The following PCGF5 variants were observed in gnomAD, a reference collection of about 807,000 sequenced individuals.
The protein encoded by PCGF5 is polycomb group ring finger 5.
PCGF5 carries 9 observed loss-of-function variants against 44.3 expected under a neutral mutation model. The ratio of observed to expected loss-of-function variants is 0.20; its 90% confidence interval spans 0.12 to 0.35. The LOEUF (loss-of-function observed/expected upper bound fraction) is 0.35, where lower values mean the gene tolerates loss of function less well. Ranked by LOEUF, PCGF5 falls within the 10% of genes least tolerant of loss-of-function variation. The pLI is 1.00. For synonymous variants in PCGF5, 95 were observed against 102.5 expected (o/e 0.93, Z 0.44); for missense variants, 146 against 305.3 (o/e 0.48, Z 3.89).
At chr10:91,226,288 G>GT (rs1554846899) in intron 2 of PCGF5, among the ~76,000 whole-genome samples, 3 of 16,884 alleles carry the variant, frequency 1.8e-4, no homozygotes, top group East Asian at 2.7e-3. Context: ...GTTAAGAAAT[G>GT]TAAAAAAAAA....
chr10:91,241,363 T>C (rs1845321607), intron 3 of PCGF5, among the ~76,000 whole-genome samples: 1 of 152,124 alleles, frequency 6.6e-6, no homozygotes, highest in South Asian at 2.1e-4. Flanking sequence ...CCACCACACC[T>C]GGCCTAATCA....
Position 91,240,650 on chromosome 10 carries a change from G to C in PCGF5, c.209+70G>C, listed in dbSNP as rs112600890. ...AATAGGCTCTTAATTTTTATTGTAT[G>C]TCATAATATTTCATGTTGTCTTGAC... On this transcript the variant is annotated intron_variant, in intron 3 of 9. Transcript: ENST00000336126. The C allele has an allele frequency of 7.0e-5, 66 of 941,718 alleles. No homozygotes were observed. In the African/African-American group the frequency reaches 9.1e-4, roughly 13 times the overall value. 58.3% of individuals were successfully genotyped at this position (941,718 alleles called of 1,614,324 possible). A position where few individuals can be genotyped will look rare whatever the true frequency, so the allele number is the denominator to read the frequency against.
upstream of PCGF5, among the ~76,000 whole-genome samples, chr10:91,218,631 CTTATTTTATTA>C (rs543140034): frequency 1.8e-3 from 274 of 152,198 alleles, 1 homozygote; most frequent in African/African-American, 6.1e-3. Context: ...TGTTATTATT[CTTATTTTATTA>C]TTATTATTGA....
intron 1 of PCGF5, among the ~76,000 whole-genome samples, 184 bp downstream of exon 1, chr10:91,221,020 G>A (rs1431582844): frequency 6.6e-6 from 1 of 151,800 alleles, no homozygotes; most frequent in Non-Finnish European, 1.5e-5. Context: ...CTACCTCGGC[G>A]GGGAGAGCGG....
chr10:91,276,698 CT>C (rs1197721663), intron 9 of PCGF5, among the ~76,000 whole-genome samples: 2 of 152,164 alleles, frequency 1.3e-5, no homozygotes, highest in Non-Finnish European at 2.9e-5. Flanking sequence ...ACCTTTATCC[CT>C]AGTAGAATTA....
chr10:91,278,254 G>A lies in PCGF5; in HGVS notation c.724-15G>A. On this transcript the variant is annotated splice_polypyrimidine_tract_variant and intron_variant, in intron 9 of 9. Transcript: ENST00000336126. Reference sequence around the variant, plus strand: ...CCAAATACAGTCTTATTTATTATCTGTCTTTATTTTGTAGTCATACCCTAT... The same window carrying A: ...CCAAATACAGTCTTATTTATTATCTATCTTTATTTTGTAGTCATACCCTAT... 1 of 1,590,592 alleles carries A rather than the reference G, an allele frequency of 6.3e-7. No individual in the cohort carries two copies. The highest frequency in any genetic ancestry group is 8.6e-7 in the Non-Finnish European group (1 of 1,158,930).
At chr10:91,161,418 G>A (rs897779915), upstream of PCGF5, among the ~76,000 whole-genome samples, 9 of 152,226 alleles carry the variant, frequency 5.9e-5, no homozygotes, top group Non-Finnish European at 1.3e-4. Flanking sequence ...GAGTCAAGAA[G>A]GGTCAGGGTC....
chr10:91,256,860 G>A (rs1845764901), intron 6 of PCGF5, among the ~76,000 whole-genome samples: 1 of 140,858 alleles, frequency 7.1e-6, no homozygotes, highest in South Asian at 2.1e-4. Context: ...CCTTCCAAAA[G>A]GAAGGAGAAA....
At chr10:91,211,419 A>G (rs1564634518) in intron 1 of PCGF5, among the ~76,000 whole-genome samples, 1 of 152,180 alleles carries the variant, frequency 6.6e-6, no homozygotes, top group Non-Finnish European at 1.5e-5. Context: ...TATAGAGGTT[A>G]TTGTAAATTT....
intron 3 of PCGF5, among the ~76,000 whole-genome samples, chr10:91,246,965 G>GGATAGATA (rs67397753): frequency 3.0e-4 from 44 of 144,852 alleles, no homozygotes; most frequent in African/African-American, 4.4e-4. Context: ...ATGGATAGAT[G>GGATAGATA]GATAGATAGA....
At chr10:91,162,607 C>A (rs923190821), upstream of PCGF5, among the ~76,000 whole-genome samples, 1 of 151,998 alleles carries the variant, frequency 6.6e-6, no homozygotes, top group East Asian at 2.0e-4. Flanking sequence ...GAGCCCCGAG[C>A]GAAAGCTTGG....
intron 1 of PCGF5, among the ~76,000 whole-genome samples, chr10:91,180,278 T>C (rs747505821): frequency 2.6e-4 from 39 of 152,206 alleles, no homozygotes; most frequent in Non-Finnish European, 4.6e-4. Flanking sequence ...GCAAAAATTT[T>C]CTCCCATTCT....
At chr10:91,274,107 A>G (rs1846250191) in intron 9 of PCGF5, among the ~76,000 whole-genome samples, 1 of 147,030 alleles carries the variant, frequency 6.8e-6, no homozygotes, top group African/African-American at 2.7e-5. Context: ...TTATTAATCA[A>G]TCTGTGTATG....
In PCGF5 at chr10:91,279,798, T is replaced by C. The variant is rs916582047; in HGVS notation, c.*1482T>C. On this transcript the variant is annotated 3_prime_UTR_variant, in exon 10 of 10. Coordinates refer to ENST00000336126, the MANE Select transcript of PCGF5 (RefSeq NM_032373.5). Reference sequence around the variant, plus strand: ...TTTTATACTGCATATGTGGTAAATGTGTCACATTTTCCAGTAAAATGTATC... The same window carrying C: ...TTTTATACTGCATATGTGGTAAATGCGTCACATTTTCCAGTAAAATGTATC... The C allele has an allele frequency of 6.6e-6, 1 of 152,132 alleles. No homozygotes were observed. Among genetic ancestry groups the C allele is most frequent in the Admixed American group, 6.5e-5 (1 of 15,278 alleles). The allele number at this position is 152,132 out of a possible 1,614,324, so 9.4% of individuals were successfully genotyped here. A position where few individuals can be genotyped will look rare whatever the true frequency, so the allele number is the denominator to read the frequency against.
chr10:91,237,267 G>T (rs1447949369), intron 2 of PCGF5, among the ~76,000 whole-genome samples: 3 of 152,056 alleles, frequency 2.0e-5, no homozygotes, highest in African/African-American at 7.2e-5. Flanking sequence ...GATAATGCCT[G>T]GTACGTAAAC....
At chr10:91,177,283 G>C (rs1297729686) in intron 1 of PCGF5, among the ~76,000 whole-genome samples, 1 of 151,884 alleles carries the variant, frequency 6.6e-6, no homozygotes, top group Non-Finnish European at 1.5e-5. Flanking sequence ...TCTCAGAGGG[G>C]TACCCGGCTG....
intron 1 of PCGF5, among the ~76,000 whole-genome samples, chr10:91,196,457 C>G (rs1031388889): frequency 2.6e-5 from 4 of 152,176 alleles, no homozygotes; most frequent in Non-Finnish European, 4.4e-5. Context: ...CCCTTCTCAC[C>G]CCAGGGCTTT....
intron 1 of PCGF5, among the ~76,000 whole-genome samples, chr10:91,221,185 A>G (rs1026103596): frequency 5.3e-5 from 8 of 152,032 alleles, no homozygotes; most frequent in African/African-American, 1.4e-4. Context: ...GAACGCAGAA[A>G]AGTTCCCCCT....
chr10:91,233,215 T>C (rs1196674632), intron 2 of PCGF5, among the ~76,000 whole-genome samples: 1 of 152,172 alleles, frequency 6.6e-6, no homozygotes, highest in African/African-American at 2.4e-5. Context: ...GCTACCAGCC[T>C]CTATGACCTA....
Sources: allele counts gnomAD v4.1 joint callset (sites outside exome capture counted in the v4.1 genomes callset), GRCh38; gene constraint gnomAD v4.1.1; transcripts MANE v1.5; gene names NCBI Gene and HGNC (gene_info 2026-07-23, HGNC 2026-07-21).